The following WDR45B variants were observed in gnomAD, a reference collection of about 807,000 sequenced individuals.
WDR45B encodes the protein WD repeat domain phosphoinositide-interacting protein 3.
A neutral mutation model predicts 44.6 loss-of-function variants in WDR45B; 20 were observed. The ratio of observed to expected loss-of-function variants is 0.45; its 90% CI spans 0.32 to 0.65. WDR45B has a LOEUF of 0.65. Ranked by LOEUF, WDR45B falls within the 30% of genes least tolerant of loss-of-function variation. WDR45B has a pLI of 0.05. For missense variants in WDR45B, 323 were observed against 430.2 expected, an observed-to-expected ratio of 0.75 and a Z score of 2.20; for synonymous variants, 169 against 164.9, an observed-to-expected ratio of 1.02 and a Z score of -0.19.
intron 4 of WDR45B, 101 bp downstream of exon 4, chr17:82,627,103 A>C: frequency 1.0e-6 from 1 of 969,806 alleles, no homozygotes; most frequent in Admixed American, 1.7e-5. Context: ...ATTTTAATAC[A>C]TCATTTCCTA....
chr17:82,622,193 C>T (rs147099271), intron 5 of WDR45B, among the ~76,000 whole-genome samples: 41 of 152,064 alleles, frequency 2.7e-4, no homozygotes, highest in African/African-American at 7.2e-4. Context: ...TATTAAAAAA[C>T]GGAGGAATAA....
chr17:82,645,827 A>C (rs1437639443), intron 1 of WDR45B, among the ~76,000 whole-genome samples: 1 of 152,198 alleles, frequency 6.6e-6, no homozygotes, highest in Non-Finnish European at 1.5e-5. Context: ...AACATTGTAC[A>C]TCAAGAATGA....
chr17:82,642,812 G>GT (rs1461226450), intron 2 of WDR45B, among the ~76,000 whole-genome samples: 21 of 152,270 alleles, frequency 1.4e-4, no homozygotes, highest in African/African-American at 5.1e-4. Context: ...TGGCTGGGGG[G>GT]TTTTTCCCAC....
chr17:82,643,442 A>G (rs1034273229), intron 2 of WDR45B, among the ~76,000 whole-genome samples: 1 of 145,250 alleles, frequency 6.9e-6, no homozygotes, highest in African/African-American at 2.5e-5. Flanking sequence ...CGGAAGAAGG[A>G]AAAAAAAAAA....
chr17:82,630,498 TAC>T (rs1222296895), intron 3 of WDR45B, among the ~76,000 whole-genome samples: 1 of 152,100 alleles, frequency 6.6e-6, no homozygotes, highest in Non-Finnish European at 1.5e-5. Flanking sequence ...TACACACACG[TAC>T]TCCCACTCCG....
Position 82,648,393 on chromosome 17 carries a change from G to C in WDR45B, c.-53C>G. On this transcript the variant is annotated 5_prime_UTR_variant, in exon 1 of 10. Coordinates refer to ENST00000392325, the MANE Select transcript of WDR45B (RefSeq NM_019613.4). Reference sequence around the variant, plus strand: ...TCAGCGCTGCATGCCTCTCGCTGGGGACGGCGGCCTGGTCCCTTCGGGCCG... The same window carrying C: ...TCAGCGCTGCATGCCTCTCGCTGGGCACGGCGGCCTGGTCCCTTCGGGCCG... The C allele has an allele frequency of 6.3e-7, 1 of 1,586,500 alleles. No individual in the cohort carries two copies. The highest frequency in any genetic ancestry group is 1.4e-5 in the African/African-American group (1 of 73,104).
At chr17:82,645,264 C>T (rs2045961633) in intron 1 of WDR45B, among the ~76,000 whole-genome samples, 2 of 151,468 alleles carry the variant, frequency 1.3e-5, no homozygotes, top group South Asian at 2.1e-4. Context: ...CGCCACTGCA[C>T]TCCAACCTGG....
rs759984701 is a variant in WDR45B at position 82,616,646 on chromosome 17, CTG to C, written c.807-3_807-2del. ...TGGAAGGAAACTGGCTGAGGCCAAA[CTG>C]TGAAGACAAGAAAAGAAAGGGTGGT... is the stretch of plus-strand genomic sequence containing the variant. On this transcript the variant is annotated splice_acceptor_variant and splice_polypyrimidine_tract_variant and intron_variant, in intron 8 of 9. Transcript: ENST00000392325. LOFTEE classifies it high-confidence loss of function. 1.9e-6 allele frequency: 3 copies of C among 1,614,122 alleles called. No individual in the cohort carries two copies. The highest frequency in any genetic ancestry group is 1.7e-5 in the Admixed American group (1 of 60,026).
At chr17:82,621,872 C>A in intron 5 of WDR45B, 73 bp from the exon 6 acceptor site, 2 of 1,518,528 alleles carry the variant, frequency 1.3e-6, no homozygotes, top group East Asian at 2.3e-5. Context: ...TTTCTGCCCC[C>A]AAAGTTCTCC....
rs566153120 is a variant in WDR45B at position 82,626,486 on chromosome 17, T to C, written c.332+718A>G. On this transcript the variant is annotated intron_variant, in intron 4 of 9. Coordinates refer to ENST00000392325, the MANE Select transcript of WDR45B (RefSeq NM_019613.4). Reference sequence around the variant, plus strand: ...AGGCAGAGGTTACAGTGAACTGAGATTGTGCCACTGCACTCCAGTCTGGCA... The same window carrying C: ...AGGCAGAGGTTACAGTGAACTGAGACTGTGCCACTGCACTCCAGTCTGGCA... Among the ~76,000 whole-genome samples, 292 of 137,116 alleles carry C rather than the reference T, an allele frequency of 2.1e-3. 1 individual carries two copies. Among genetic ancestry groups the C allele is most frequent in the African/African-American group, 8.2e-3 (284 of 34,600 alleles). The allele number at this position is 137,116 out of a possible 152,430, so 90.0% of individuals were successfully genotyped here.
At chr17:82,630,539 A>AGTGGTGTTTTGTTCCAC (rs2045753814) in intron 3 of WDR45B, among the ~76,000 whole-genome samples, 1 of 152,094 alleles carries the variant, frequency 6.6e-6, no homozygotes, top group Non-Finnish European at 1.5e-5. Context: ...CCAGAGCCCA[A>AGTGGTGTTTTGTTCCAC]GTGGTGTTTT....
chr17:82,627,225 G>T lies in WDR45B; in HGVS notation c.311C>A (p.Ala104Glu). 6.2e-7 allele frequency: 1 copy of T among 1,613,582 alleles called. No homozygotes were observed. The highest frequency in any genetic ancestry group is 8.5e-7 in the Non-Finnish European group (1 of 1,179,874). The change falls in exon 4 of 10, where the codon GCA (alanine) becomes GAA (glutamate). Residue 104 changes from alanine to glutamate, a missense_variant. Transcript: ENST00000392325. ...IEIEFSTEVK[A>E]VKLRRDRIVV... The stretch of plus-strand genomic sequence containing the variant: ...CCACCTATCTCGCCGCAGCTTGACT[G>T]CCTTGACTTCTGTAGAAAATTCTAT...
chr17:82,630,981 G>A lies in WDR45B; in HGVS notation c.184C>T (p.Arg62Cys), dbSNP rs774530931. 12 of 1,613,506 alleles carry A rather than the reference G, an allele frequency of 7.4e-6. No homozygotes were observed. The highest frequency in any genetic ancestry group is 1.3e-5 in the African/African-American group (1 of 74,874). ...CCAACTAAAGCTAAATAGTTGCAGC[G>A]AAATAACATTTCAACATGGCCAACT... ...GGVGHVEMLF[R>C]CNYLALVGGG... The change falls in exon 3 of 10, where the codon CGC becomes TGC. Residue 62 changes from arginine (R) to cysteine (C), a missense_variant. Coordinates refer to ENST00000392325, the MANE Select transcript of WDR45B (RefSeq NM_019613.4).
In WDR45B at chr17:82,648,366, C is replaced by T; in HGVS notation, c.-26G>A. On this transcript the variant is annotated 5_prime_UTR_variant, in exon 1 of 10. Coordinates refer to ENST00000392325, the MANE Select transcript of WDR45B (RefSeq NM_019613.4). ...GGCGCCGCCGTGCTGGGTCGCCGCT[C>T]CTCAGCGCTGCATGCCTCTCGCTGG... 1.2e-6 allele frequency: 2 copies of T among 1,601,974 alleles called. No homozygotes were observed. Among genetic ancestry groups the T allele is most frequent in the Non-Finnish European group, 1.7e-6 (2 of 1,176,124 alleles).
intron 2 of WDR45B, among the ~76,000 whole-genome samples, chr17:82,638,266 GGAGGGGGGA>G (rs1228122716): frequency 8.8e-5 from 3 of 34,070 alleles, no homozygotes; most frequent in African/African-American, 1.6e-4. Flanking sequence ...GGAGGGGAGG[GGAGGGGGGA>G]GGAGGAAAGA....
intron 1 of WDR45B, 92 bp downstream of exon 1, chr17:82,648,181 CG>C: frequency 7.7e-6 from 11 of 1,436,316 alleles, no homozygotes; most frequent in Middle Eastern, 2.4e-4. Flanking sequence ...AAGGCCTGGC[CG>C]GAAAGGGGCG....
intron 4 of WDR45B, chr17:82,626,832 A>G: frequency 3.3e-6 from 1 of 304,588 alleles, no homozygotes; most frequent in Non-Finnish European, 6.3e-6. Context: ...ACCTTTATTG[A>G]GAGGCAGCAT....
At chr17:82,616,050 C>T in intron 9 of WDR45B, 25 bp from the exon 10 acceptor site, 1 of 1,600,336 alleles carries the variant, frequency 6.2e-7, no homozygotes, top group Non-Finnish European at 8.6e-7. Context: ...GACCATTTTA[C>T]CTGTGTGTTT....
chr17:82,635,895 G>T (rs116678730), intron 2 of WDR45B, among the ~76,000 whole-genome samples: 1 of 151,604 alleles, frequency 6.6e-6, no homozygotes, highest in Non-Finnish European at 1.5e-5. Context: ...CAAGACCAGC[G>T]CGACCAACAT....
Sources: gnomAD v4.1 joint callset for allele counts (sites outside exome capture counted in the v4.1 genomes callset) on GRCh38, gnomAD v4.1.1 for gene constraint, MANE v1.5 for transcripts, NCBI Gene and HGNC (gene_info 2026-07-23, HGNC 2026-07-21) for gene names.